ETNK1: variants seen among roughly 807,000 people sequenced by gnomAD.
ETNK1 encodes the protein putative protein product of Nbla10396.
ETNK1 carries 8 observed loss-of-function variants against 45.1 expected under a neutral mutation model. The observed-to-expected ratio is 0.18, with a 90% CI of 0.10 to 0.32. ETNK1 has a LOEUF of 0.32. ETNK1 is among the 10% of genes least tolerant of loss of function. ETNK1 has a pLI of 1.00. For synonymous variants in ETNK1, 152 were observed against 151.9 expected, an observed-to-expected ratio of 1.00 and a Z score of -0.01; for missense variants, 302 against 430.6, an observed-to-expected ratio of 0.70 and a Z score of 2.64.
chr12:22,684,700 A>G lies in ETNK1; in HGVS notation c.1019+144A>G, dbSNP rs534505322. On this transcript the variant is annotated intron_variant, in intron 7 of 7. Coordinates refer to ENST00000266517, the MANE Select transcript of ETNK1 (RefSeq NM_018638.5). Reference sequence around the variant, plus strand: ...GTAATTGGTCTGTGAAGAAATTGCTATAAGCTGTTAAGTGCTCGCAGGATT... The same window carrying G: ...GTAATTGGTCTGTGAAGAAATTGCTGTAAGCTGTTAAGTGCTCGCAGGATT... 1.4e-5 allele frequency: 11 copies of G among 763,362 alleles called. No individual in the cohort carries two copies. Among genetic ancestry groups the G allele is most frequent in the African/African-American group, 7.1e-5 (4 of 56,684 alleles). 47.3% of individuals were successfully genotyped at this position (763,362 alleles called of 1,614,324 possible). A position where few individuals can be genotyped will look rare whatever the true frequency, so the allele number is the denominator to read the frequency against.
At chr12:22,675,780 T>C (rs1203979248) in intron 6 of ETNK1, among the ~76,000 whole-genome samples, 1 of 152,204 alleles carries the variant, frequency 6.6e-6, no homozygotes, top group East Asian at 1.9e-4. Flanking sequence ...ATAAATGTCA[T>C]ACATTCAGTA....
At position 22,673,674 on chromosome 12, in the gene ETNK1, T is replaced by A; in HGVS notation, c.945+14T>A. ...CAGTTTGCATTGGTAAGTTTAAATG[T>A]ACACAATTAATGAAAGGTTCTTACT... On this transcript the variant is annotated intron_variant, in intron 6 of 7. Transcript: ENST00000266517. 6.3e-7 allele frequency: 1 copy of A among 1,596,404 alleles called. No homozygotes were observed. Among genetic ancestry groups the A allele is most frequent in the South Asian group, 1.1e-5 (1 of 89,082 alleles).
intron 1 of ETNK1, among the ~76,000 whole-genome samples, chr12:22,635,253 G>T (rs866296826): frequency 6.6e-5 from 10 of 152,312 alleles, no homozygotes; most frequent in Middle Eastern, 3.4e-3. Flanking sequence ...TGTGTCATAT[G>T]TCACCTGGCT....
chr12:22,680,406 C>T (rs1592137997), intron 6 of ETNK1, among the ~76,000 whole-genome samples: 1 of 152,042 alleles, frequency 6.6e-6, no homozygotes. Context: ...TTTTATGGCT[C>T]CCTGTGACCT....
intron 1 of ETNK1, among the ~76,000 whole-genome samples, chr12:22,626,435 A>C (rs916202136): frequency 5.3e-5 from 8 of 151,562 alleles, no homozygotes; most frequent in East Asian, 1.9e-4. Flanking sequence ...ACAAAAAAAA[A>C]CAGTAATTTT....
At position 22,688,205 on chromosome 12, in the gene ETNK1, C is replaced by T. The variant is rs1954276196; in HGVS notation, c.*3251C>T. ...AATGTGAATCTAATTTCCATATATA[C>T]AGAAATTAGACAAATAATAAGTCTT... On this transcript the variant is annotated 3_prime_UTR_variant, in exon 8 of 8. Transcript: ENST00000266517. 6.6e-6 allele frequency: 1 copy of T among 151,606 alleles called. No homozygotes were observed. Among genetic ancestry groups the T allele is most frequent in the Non-Finnish European group, 1.5e-5 (1 of 67,706 alleles). The allele number at this position is 151,606 out of a possible 1,614,324, so 9.4% of individuals were successfully genotyped here.
chr12:22,681,269 G>A (rs1398922154), intron 6 of ETNK1, among the ~76,000 whole-genome samples: 10 of 151,776 alleles, frequency 6.6e-5, no homozygotes, highest in East Asian at 1.9e-4. Context: ...GTGTAGAATC[G>A]TTTAGTTAAT....
intron 1 of ETNK1, among the ~76,000 whole-genome samples, chr12:22,626,789 TG>T (rs1206239068): frequency 6.6e-6 from 1 of 152,234 alleles, no homozygotes; most frequent in African/African-American, 2.4e-5. Context: ...AGGGAGTATT[TG>T]TTAGCCGAGA....
At chr12:22,674,461 A>G (rs1025441211) in intron 6 of ETNK1, among the ~76,000 whole-genome samples, 1 of 152,278 alleles carries the variant, frequency 6.6e-6, no homozygotes, top group African/African-American at 2.4e-5. Context: ...GTTACTCAGA[A>G]TACATCCCAA....
At chr12:22,654,611 C>G (rs957390516) in intron 2 of ETNK1, among the ~76,000 whole-genome samples, 8 of 152,142 alleles carry the variant, frequency 5.3e-5, no homozygotes, top group Non-Finnish European at 1.0e-4. Flanking sequence ...TAAGTACCTC[C>G]TCTAAGTTCT....
At position 22,643,882 on chromosome 12, in the gene ETNK1, G is replaced by A. The variant is rs1299698820; in HGVS notation, c.276G>A (p.Glu92=). ...NKTELLVDRD[E]EVKSFRVLQA... ...CTGAGTTATTAGTCGATCGAGATGA[G>A]GAAGTAAAGAGTTTTCGAGTGTTGC... The change falls in exon 2 of 8, where the codon GAG becomes GAA. Residue 92 remains glutamate, a synonymous_variant. Coordinates refer to ENST00000266517, the MANE Select transcript of ETNK1 (RefSeq NM_018638.5). The A allele has an allele frequency of 1.2e-6, 2 of 1,613,510 alleles. No individual in the cohort carries two copies. Among genetic ancestry groups the A allele is most frequent in the Non-Finnish European group, 1.7e-6 (2 of 1,179,564 alleles).
Position 22,689,418 on chromosome 12 carries a change from CT to C in ETNK1, c.*4468del, listed in dbSNP as rs1412810106. ...TCTGTATTCATTGTGAATCCTGTAG[CT>C]TTTCTAGTTAACAAAAAATCGCTTT... On this transcript the variant is annotated 3_prime_UTR_variant, in exon 8 of 8. Coordinates refer to ENST00000266517, the MANE Select transcript of ETNK1 (RefSeq NM_018638.5). 1 of 151,910 alleles carries C rather than the reference CT, an allele frequency of 6.6e-6. No homozygotes were observed. Among genetic ancestry groups the C allele is most frequent in the African/African-American group, 2.4e-5 (1 of 41,416 alleles). The allele number at this position is 151,910 out of a possible 1,614,324, so 9.4% of individuals were successfully genotyped here. A position where few individuals can be genotyped will look rare whatever the true frequency, so the allele number is the denominator to read the frequency against.
intron 1 of ETNK1, among the ~76,000 whole-genome samples, chr12:22,627,495 G>A (rs1953517814): frequency 6.6e-6 from 1 of 152,238 alleles, no homozygotes; most frequent in African/African-American, 2.4e-5. Context: ...CATCTGCTAA[G>A]CTGAATTGAT....
intron 1 of ETNK1, among the ~76,000 whole-genome samples, chr12:22,633,813 A>G (rs921891646): frequency 5.3e-5 from 8 of 152,110 alleles, no homozygotes; most frequent in African/African-American, 9.7e-5. Flanking sequence ...TATTGTTGGT[A>G]TATAGGATTA....
chr12:22,684,624 C>T (rs1412057058), intron 7 of ETNK1, 68 bp downstream of exon 7: 2 of 1,076,020 alleles, frequency 1.9e-6, no homozygotes, highest in Non-Finnish European at 2.8e-6. Flanking sequence ...TAAGAATTCA[C>T]AGGGAATATT....
chr12:22,629,237 G>C (rs905312214), intron 1 of ETNK1, among the ~76,000 whole-genome samples: 13 of 152,012 alleles, frequency 8.6e-5, no homozygotes, highest in African/African-American at 3.1e-4. Context: ...TTATAACAAC[G>C]TAATGTTTAT....
rs1396578430 is a variant in ETNK1 at position 22,625,301 on chromosome 12, C to T, written c.-130C>T. ...GACGTTCTCCTGCCGCTCGCCCGCC[C>T]GTCCCAGCGCCCCCAGCCCTCCCGC... On this transcript the variant is annotated 5_prime_UTR_variant, in exon 1 of 8. Coordinates refer to ENST00000266517, the MANE Select transcript of ETNK1 (RefSeq NM_018638.5). 1.2e-6 allele frequency: 2 copies of T among 1,606,108 alleles called. No individual in the cohort carries two copies. Among genetic ancestry groups the T allele is most frequent in the Non-Finnish European group, 1.7e-6 (2 of 1,177,164 alleles).
At chr12:22,656,916 T>A in intron 2 of ETNK1, 9 of 581,440 alleles carry the variant, frequency 1.5e-5, no homozygotes, top group Non-Finnish European at 2.0e-5. Flanking sequence ...GTGTTTCATG[T>A]AACACAGATT....
Position 22,625,564 on chromosome 12 carries a change from AC to A in ETNK1, c.139del (p.Gln47ArgfsTer3). On this transcript the variant is annotated frameshift_variant, in exon 1 of 8. Transcript: ENST00000266517. LOFTEE classifies it high-confidence loss of function. ...CTGCAACACCTGCGGCCTCACTGGG[AC>A]CCCCAGGAGGTGACCCTGCAGGTAA... is the stretch of plus-strand genomic sequence containing the variant. ...SLLQHLRPHW[D>X]PQEVTLQLFT... The A allele has an allele frequency of 6.3e-7, 1 of 1,597,726 alleles. No homozygotes were observed.
Sources: gnomAD v4.1 joint callset for allele counts (sites outside exome capture counted in the v4.1 genomes callset) on GRCh38, gnomAD v4.1.1 for gene constraint, MANE v1.5 for transcripts, NCBI Gene and HGNC (gene_info 2026-07-23, HGNC 2026-07-21) for gene names.